The following FGF13 variants were observed in gnomAD, a reference collection of about 807,000 sequenced individuals.
The protein encoded by FGF13 is fibroblast growth factor homologous factor 2.
FGF13 carries 2 observed loss-of-function variants against 19.5 expected under a neutral mutation model. The ratio of observed to expected loss-of-function variants is 0.10; its 90% CI spans 0.04 to 0.32. The LOEUF (loss-of-function observed/expected upper bound fraction) is 0.32. FGF13 is among the 10% of genes least tolerant of loss of function. The probability of loss-of-function intolerance (pLI) is 1.00; values close to 1 mark genes in which losing one functional copy is unlikely to be tolerated. For missense variants in FGF13, 113 were observed against 192.7 expected, an observed-to-expected ratio of 0.59 and a Z score of 2.45; for synonymous variants, 72 against 76.9, an observed-to-expected ratio of 0.94 and a Z score of 0.33.
At chrX:138,942,463 C>T (rs1158476296) in intron 1 of FGF13, among the ~76,000 whole-genome samples, 1 of 112,021 alleles carries the variant, frequency 8.9e-6, no homozygotes, top group African/African-American at 3.2e-5. Context: ...GCCTACAAAC[C>T]TTGACCCTAG....
chrX:138,792,613 T>C (rs2090750987), intron 3 of FGF13, among the ~76,000 whole-genome samples: 1 of 112,220 alleles, frequency 8.9e-6, no homozygotes, highest in Admixed American at 9.5e-5. Flanking sequence ...TATACTACTT[T>C]GTTTCAGTGA....
intron 1 of FGF13, among the ~76,000 whole-genome samples, chrX:138,929,982 C>A (rs1331052828): frequency 9.0e-6 from 1 of 110,592 alleles, no homozygotes; most frequent in African/African-American, 3.3e-5. Context: ...CTAGTACTAT[C>A]TTTGCCAGAG....
At chrX:138,821,319 G>A (rs757098966) in intron 3 of FGF13, among the ~76,000 whole-genome samples, 8 of 111,909 alleles carry the variant, frequency 7.1e-5, no homozygotes, top group Non-Finnish European at 1.3e-4. Context: ...GCAACTGAAT[G>A]TTTAACTTGT....
intron 3 of FGF13, among the ~76,000 whole-genome samples, chrX:138,779,922 G>A (rs1437755074): frequency 3.8e-5 from 4 of 105,131 alleles, no homozygotes; most frequent in African/African-American, 7.0e-5. Context: ...GAGAAAGGTC[G>A]GGTTACCCTC....
rs760742476 is a variant in FGF13, at chrX:138,993,841, G to A, written c.-112-129191C>T. Among the ~76,000 whole-genome samples, 3 of 111,641 alleles carry A rather than the reference G, an allele frequency of 2.7e-5. No homozygotes were observed. In the East Asian group the frequency reaches 8.5e-4, roughly 31 times the overall value. On this transcript the variant is annotated intron_variant, in intron 1 of 2. Transcript: ENST00000421460. ...CTGTGTTGTCATAAAGATTAAATGA[G>A]TTAAGGTGTAAAAGTGCCTCTTACA... is the stretch of plus-strand genomic sequence containing the variant.
chrX:139,033,913 T>A (rs2092240844), intron 1 of FGF13, among the ~76,000 whole-genome samples: 1 of 111,488 alleles, frequency 9.0e-6, no homozygotes, highest in Admixed American at 9.5e-5. Flanking sequence ...CTTATTATAA[T>A]CTCTAACATA....
chrX:138,862,852 T>G (rs1031457380), intron 2 of FGF13, among the ~76,000 whole-genome samples: 18 of 111,912 alleles, frequency 1.6e-4, no homozygotes, highest in African/African-American at 5.9e-4. Context: ...CTTTGCAACC[T>G]CCCTCATTCT....
chrX:138,754,249 A>G (rs1276968623), intron 3 of FGF13, among the ~76,000 whole-genome samples: 1 of 111,855 alleles, frequency 8.9e-6, no homozygotes. Flanking sequence ...GTATGCATAT[A>G]AAGTGCACTA....
At chrX:138,755,907 T>C (rs1364673091) in intron 3 of FGF13, among the ~76,000 whole-genome samples, 1 of 112,025 alleles carries the variant, frequency 8.9e-6, no homozygotes, top group African/African-American at 3.3e-5. Context: ...AAGGTCTTTA[T>C]AGAGGTGATT....
chrX:139,119,238 C>T (rs1371246450), intron 1 of FGF13, among the ~76,000 whole-genome samples: 1 of 111,479 alleles, frequency 9.0e-6, no homozygotes, highest in East Asian at 2.8e-4. Context: ...TCCTTATTTA[C>T]CCAAATCCTT....
At chrX:138,867,917 A>C (rs1218654377) in intron 1 of FGF13, among the ~76,000 whole-genome samples, 2 of 110,991 alleles carry the variant, frequency 1.8e-5, no homozygotes, top group Non-Finnish European at 3.8e-5. Flanking sequence ...ACCACGCACA[A>C]AAAATTTTCA....
chrX:138,635,807 G>A, intron 3 of FGF13, 152 bp from the exon 4 acceptor site: 1 of 450,968 alleles, frequency 2.2e-6, no homozygotes. Flanking sequence ...TATCATCATT[G>A]GAAACCATCA....
chrX:138,957,817 CTGTTA>C (rs1408565437), intron 1 of FGF13, among the ~76,000 whole-genome samples: 1 of 111,024 alleles, frequency 9.0e-6, no homozygotes, highest in Admixed American at 9.6e-5. Flanking sequence ...GGCTCTCTGT[CTGTTA>C]TAAGAATGCT....
intron 1 of FGF13, among the ~76,000 whole-genome samples, chrX:138,892,000 A>G (rs959296397): frequency 8.3e-4 from 39 of 46,949 alleles, no homozygotes; most frequent in African/African-American, 2.8e-3. Context: ...CTATATATAC[A>G]TATGTGTGTG....
intron 3 of FGF13, among the ~76,000 whole-genome samples, chrX:138,654,558 T>C (rs1303224988): frequency 1.8e-5 from 2 of 110,966 alleles, no homozygotes; most frequent in Admixed American, 1.9e-4. Context: ...CTGGTTAACA[T>C]AGTAAAACCC....
intron 3 of FGF13, among the ~76,000 whole-genome samples, chrX:138,797,766 G>A (rs2090790368): frequency 9.0e-6 from 1 of 111,173 alleles, no homozygotes. Context: ...TCTCTTTGAA[G>A]AGGTCCTTCA....
intron 3 of FGF13, among the ~76,000 whole-genome samples, chrX:138,782,401 T>C (rs1305293615): frequency 9.0e-6 from 1 of 111,035 alleles, no homozygotes; most frequent in Non-Finnish European, 1.9e-5. Flanking sequence ...CATGATTGTA[T>C]ATCTAGAAAA....
At chrX:138,866,444 G>A (rs2091323567) in intron 1 of FGF13, among the ~76,000 whole-genome samples, 1 of 112,398 alleles carries the variant, frequency 8.9e-6, no homozygotes, top group Non-Finnish European at 1.9e-5. Context: ...CATCAAGCCT[G>A]GAATTCAAAT....
rs1315608449 is a variant in FGF13 at position 138,629,525 on chromosome X, G to A, written c.*3325C>T. 9.0e-6 allele frequency: 1 copy of A among 111,007 alleles called. No individual in the cohort carries two copies. Among genetic ancestry groups the A allele is most frequent in the African/African-American group, 3.3e-5 (1 of 30,514 alleles). 9.1% of individuals were successfully genotyped at this position (111,007 alleles called of 1,213,427 possible). A position where few individuals can be genotyped will look rare whatever the true frequency, so the allele number is the denominator to read the frequency against. On this transcript the variant is annotated 3_prime_UTR_variant, in exon 5 of 5. Transcript: ENST00000315930. ...TTCTCACTAAATCTGTTTGATAAGTGGCGCTTTCCCATTCTCTCTCCTGCT... is the reference window on the plus strand; with the variant it reads ...TTCTCACTAAATCTGTTTGATAAGTAGCGCTTTCCCATTCTCTCTCCTGCT...
Sources: gnomAD v4.1 joint callset for allele counts (sites outside exome capture counted in the v4.1 genomes callset) on GRCh38, gnomAD v4.1.1 for gene constraint, MANE v1.5 for transcripts, NCBI Gene and HGNC (gene_info 2026-07-23, HGNC 2026-07-21) for gene names.